Variants in ZFPM2 observed in about 807,000 individuals in gnomAD.
ZFPM2 encodes the protein zinc finger protein ZFPM2.
Under a neutral mutation model 98.6 loss-of-function variants are expected in ZFPM2, and 20 were observed. The observed-to-expected ratio is 0.20, with a 90% CI of 0.14 to 0.29. The LOEUF is 0.29. Among genes scored for constraint, ZFPM2 ranks in the 10% least tolerant of loss-of-function variants. The pLI is 1.00. For synonymous variants in ZFPM2, 518 were observed against 502.7 expected (o/e 1.03, Z -0.41); for missense variants, 1,310 against 1,388.6 (o/e 0.94, Z 0.90).
chr8:105,741,135 A>AC (rs1283173071), intron 5 of ZFPM2, among the ~76,000 whole-genome samples: 1 of 152,084 alleles, frequency 6.6e-6, no homozygotes, highest in East Asian at 1.9e-4. Context: ...GGTAGAAGGA[A>AC]CACCAGAGAA....
At chr8:105,342,983 G>C (rs1812457103) in intron 1 of ZFPM2, among the ~76,000 whole-genome samples, 1 of 151,904 alleles carries the variant, frequency 6.6e-6, no homozygotes. Context: ...AGGCTGAGAG[G>C]GGACATACTA....
At chr8:105,369,615 A>G (rs1000155683) in intron 1 of ZFPM2, among the ~76,000 whole-genome samples, 25 of 152,156 alleles carry the variant, frequency 1.6e-4, no homozygotes, top group African/African-American at 6.0e-4. Flanking sequence ...AATGATTTTT[A>G]TGGTTGTAAC....
intron 3 of ZFPM2, among the ~76,000 whole-genome samples, chr8:105,558,677 T>C (rs1225096570): frequency 7.2e-5 from 11 of 152,150 alleles, no homozygotes; most frequent in Non-Finnish European, 1.6e-4. Context: ...AAATGAAATA[T>C]GTCAGTGGCA....
intron 5 of ZFPM2, among the ~76,000 whole-genome samples, chr8:105,691,344 G>A (rs1810876671): frequency 3.1e-5 from 4 of 128,870 alleles, no homozygotes; most frequent in Admixed American, 3.0e-4. Flanking sequence ...CGCTTCCCGG[G>A]TTCACGCCAT....
At chr8:105,495,779 AC>A (rs1813454636) in intron 3 of ZFPM2, among the ~76,000 whole-genome samples, 1 of 152,112 alleles carries the variant, frequency 6.6e-6, no homozygotes, top group South Asian at 2.1e-4. Flanking sequence ...TGGAGTTTTA[AC>A]TTAAGGTTAT....
intron 3 of ZFPM2, among the ~76,000 whole-genome samples, chr8:105,498,558 G>C (rs1391846205): frequency 1.3e-5 from 2 of 152,160 alleles, no homozygotes; most frequent in Admixed American, 6.6e-5. Context: ...TCTCCCCTTT[G>C]CTTTGAATCC....
intron 5 of ZFPM2, among the ~76,000 whole-genome samples, chr8:105,653,419 A>G (rs1372551050): frequency 6.6e-6 from 1 of 152,216 alleles, no homozygotes; most frequent in African/African-American, 2.4e-5. Flanking sequence ...CATTGATACT[A>G]TGATATAGCT....
At chr8:105,362,384 C>A (rs529636633) in intron 1 of ZFPM2, among the ~76,000 whole-genome samples, 1 of 151,788 alleles carries the variant, frequency 6.6e-6, no homozygotes, top group Non-Finnish European at 1.5e-5. Context: ...ACAGCTAATA[C>A]TGATTGTATT....
chr8:105,733,688 T>C (rs1259496757), intron 5 of ZFPM2, among the ~76,000 whole-genome samples: 1 of 151,884 alleles, frequency 6.6e-6, no homozygotes. Context: ...TTTAAAGTGC[T>C]AAGAGTTAGT....
At chr8:105,647,737 A>G (rs1347850361) in intron 5 of ZFPM2, among the ~76,000 whole-genome samples, 1 of 152,158 alleles carries the variant, frequency 6.6e-6, no homozygotes, top group East Asian at 1.9e-4. Flanking sequence ...ATAGTATTCC[A>G]TGGTGTATAT....
At chr8:105,446,311 C>T (rs1042055339) in intron 3 of ZFPM2, among the ~76,000 whole-genome samples, 1 of 152,114 alleles carries the variant, frequency 6.6e-6, no homozygotes, top group Admixed American at 6.5e-5. Context: ...GATATGCCTG[C>T]TTGCGAAAAG....
intron 1 of ZFPM2, among the ~76,000 whole-genome samples, chr8:105,340,036 A>G (rs1217194974): frequency 2.0e-5 from 3 of 151,904 alleles, no homozygotes; most frequent in Non-Finnish European, 4.4e-5. Context: ...CTAGGAATAA[A>G]GGAAACTGGC....
intron 4 of ZFPM2, among the ~76,000 whole-genome samples, chr8:105,562,219 A>C (rs1815154023): frequency 6.6e-6 from 1 of 152,064 alleles, no homozygotes; most frequent in African/African-American, 2.4e-5. Context: ...CTGAGGCAGG[A>C]GAATTGCTTG....
intron 1 of ZFPM2, among the ~76,000 whole-genome samples, chr8:105,338,800 T>C (rs1025174198): frequency 4.0e-5 from 6 of 151,888 alleles, no homozygotes; most frequent in African/African-American, 1.4e-4. Flanking sequence ...TAGTAAGGCA[T>C]ATTGAATATA....
At chr8:105,589,495 T>G (rs986248505) in intron 4 of ZFPM2, among the ~76,000 whole-genome samples, 1 of 152,184 alleles carries the variant, frequency 6.6e-6, no homozygotes, top group African/African-American at 2.4e-5. Flanking sequence ...AATATAGAAA[T>G]TGAATTTAGT....
chr8:105,460,975 T>A (rs1319341569), intron 3 of ZFPM2, among the ~76,000 whole-genome samples: 5 of 151,948 alleles, frequency 3.3e-5, no homozygotes, highest in Non-Finnish European at 7.4e-5. Flanking sequence ...TAGAAAAAAA[T>A]TTTGATTATC....
intron 5 of ZFPM2, among the ~76,000 whole-genome samples, chr8:105,748,881 C>T (rs1220132872): frequency 1.3e-5 from 2 of 151,988 alleles, no homozygotes; most frequent in African/African-American, 2.4e-5. Context: ...TCAAAAATCT[C>T]ATCATCTAAG....
At chr8:105,331,152 TTA>T (rs1329534279) in intron 1 of ZFPM2, among the ~76,000 whole-genome samples, 3 of 136,568 alleles carry the variant, frequency 2.2e-5, no homozygotes, top group African/African-American at 5.0e-5. Flanking sequence ...ATATTATATT[TTA>T]TATATATATA....
At chr8:105,426,254 C>G (rs1811908300) in intron 2 of ZFPM2, among the ~76,000 whole-genome samples, 1 of 152,102 alleles carries the variant, frequency 6.6e-6, no homozygotes, top group Admixed American at 6.5e-5. Context: ...GTGTTTGGAC[C>G]AGGGAGTTCA....
Sources: allele counts gnomAD v4.1 joint callset (sites outside exome capture counted in the v4.1 genomes callset), GRCh38; gene constraint gnomAD v4.1.1; transcripts MANE v1.5; gene names NCBI Gene and HGNC (gene_info 2026-07-23, HGNC 2026-07-21).